The following FN1 variants were observed in gnomAD, a reference collection of about 807,000 sequenced individuals.
The protein encoded by FN1 is fibronectin.
A neutral mutation model predicts 297.3 loss-of-function variants in FN1; 106 were observed. The ratio of observed to expected loss-of-function variants is 0.36; its 90% confidence interval spans 0.30 to 0.42. The LOEUF (loss-of-function observed/expected upper bound fraction) is 0.42, where lower values mean the gene tolerates loss of function less well. FN1 is among the 10% of genes least tolerant of loss of function. The probability of loss-of-function intolerance (pLI) is 1.00; values close to 1 mark genes in which losing one functional copy is unlikely to be tolerated. For synonymous variants in FN1, 1,149 were observed against 1,152.6 expected (o/e 1.00, Z 0.06); for missense variants, 2,690 against 3,124.9 (o/e 0.86, Z 3.32).
In FN1 at chr2:215,378,179, C is replaced by T. The variant is rs1027962222; in HGVS notation, c.5706G>A (p.Leu1902=). The change falls in exon 35 of 46, where the codon CTG becomes CTA. Residue 1902 remains leucine, a synonymous_variant. Transcript: ENST00000354785. The part of the protein sequence containing the change: ...SRPAQGVVTT[L]ENVSPPRRAR... ...TGAAGACATTTTGTTACTTACTCTC[C>T]AGAGTGGTGACAACTCCCTGAGCTG... is the stretch of plus-strand genomic sequence containing the variant. 1 of 1,577,366 alleles carries T rather than the reference C, an allele frequency of 6.3e-7. No homozygotes were observed. Among genetic ancestry groups the T allele is most frequent in the African/African-American group, 1.3e-5 (1 of 74,408 alleles).
chr2:215,397,104 G>A (rs2060387243), intron 23 of FN1, 33 bp downstream of exon 23: 3 of 1,333,072 alleles, frequency 2.3e-6, no homozygotes, highest in Middle Eastern at 1.8e-4. Flanking sequence ...AAGGTATGGT[G>A]TATACTTGCC....
Position 215,368,255 on chromosome 2 carries a change from C to A in FN1, c.6854-228G>T, listed in dbSNP as rs2289200. On this transcript the variant is annotated intron_variant, in intron 41 of 45. Transcript: ENST00000354785. ...CAGGAAGCCCATCTTTTATTTTTCC[C>A]TTGCTTCTAAGATAATTGCCATTTC... 0.26 allele frequency among the ~76,000 whole-genome samples: 40,068 copies of A among 152,122 alleles called. 6,568 individuals carry two copies. Among genetic ancestry groups the A allele is most frequent in the East Asian group, 0.72 (3,702 of 5,164 alleles).
At chr2:215,392,404 G>A (rs898727794) in intron 25 of FN1, 2 of 183,740 alleles carry the variant, frequency 1.1e-5, no homozygotes, top group Non-Finnish European at 2.3e-5. Context: ...CCTAGTGACA[G>A]CAACAAAACC....
intron 10 of FN1, chr2:215,421,064 A>T (rs1312884216): frequency 4.6e-6 from 2 of 430,970 alleles, no homozygotes; most frequent in African/African-American, 2.0e-5. Flanking sequence ...GTGGTAAAAT[A>T]CACTTTCCTG....
intron 13 of FN1, among the ~76,000 whole-genome samples, chr2:215,411,476 T>C (rs867024036): frequency 1.3e-5 from 2 of 152,168 alleles, no homozygotes; most frequent in South Asian, 2.1e-4. Flanking sequence ...TTGAAACCAG[T>C]CATTGCAATT....
At chr2:215,391,390 GGAACTTT>G (rs1178692844) in intron 26 of FN1, among the ~76,000 whole-genome samples, 2 of 152,130 alleles carry the variant, frequency 1.3e-5, no homozygotes, top group Non-Finnish European at 2.9e-5. Flanking sequence ...TTGAAGTCAT[GGAACTTT>G]CCTGCAGGTG....
At chr2:215,393,225 G>T in intron 24 of FN1, 22 bp from the exon 25 acceptor site, 3 of 1,606,584 alleles carry the variant, frequency 1.9e-6, no homozygotes, top group African/African-American at 1.4e-5. Flanking sequence ...CAAAGCAAAG[G>T]GAGGGGGAGG....
intron 7 of FN1, 114 bp downstream of exon 7, chr2:215,424,980 T>C: frequency 1.1e-6 from 1 of 915,066 alleles, no homozygotes; most frequent in Non-Finnish European, 1.8e-6. Context: ...TATCACAGGG[T>C]GGTAAGATTA....
At chr2:215,362,136 A>C in intron 44 of FN1, 57 bp from the exon 45 acceptor site, 1 of 1,332,084 alleles carries the variant, frequency 7.5e-7, no homozygotes, top group Admixed American at 1.7e-5. Flanking sequence ...AGGACATCGT[A>C]ATTTAGTGTT....
At chr2:215,430,033 C>A (rs1316136342) in intron 5 of FN1, among the ~76,000 whole-genome samples, 1 of 152,094 alleles carries the variant, frequency 6.6e-6, no homozygotes, top group Non-Finnish European at 1.5e-5. Flanking sequence ...TCATGAGAGA[C>A]CTATTTTTGT....
intron 39 of FN1, 157 bp from the exon 40 acceptor site, chr2:215,372,532 A>G (rs2056434302): frequency 7.4e-6 from 5 of 671,624 alleles, no homozygotes; most frequent in Non-Finnish European, 1.3e-5. Flanking sequence ...CACTTTTTCC[A>G]GAAAGAAATC....
intron 44 of FN1, chr2:215,362,430 G>T (rs531813606): frequency 5.7e-5 from 17 of 297,512 alleles, no homozygotes; most frequent in South Asian, 5.6e-4. Flanking sequence ...GAATCCTAGC[G>T]ATTTTAAAAG....
At chr2:215,368,928 A>G (rs901483502) in intron 41 of FN1, among the ~76,000 whole-genome samples, 2 of 152,170 alleles carry the variant, frequency 1.3e-5, no homozygotes, top group East Asian at 1.9e-4. Flanking sequence ...CCCACTGTGT[A>G]TTTTTCTTTT....
At chr2:215,384,740 G>A in intron 29 of FN1, 120 bp downstream of exon 29, 1 of 745,552 alleles carries the variant, frequency 1.3e-6, no homozygotes, top group Admixed American at 2.1e-5. Context: ...GAAAAAACAA[G>A]GGCTCCGTTG....
In FN1 at chr2:215,383,896, T is replaced by G. The variant is rs1227499402; in HGVS notation, c.4894+124A>C. The stretch of plus-strand genomic sequence containing the variant: ...AACTCTGTTCGCTGCAGGTGCTAGC[T>G]GCAGGTTGTTGCTCATTAAAAAGGA... On this transcript the variant is annotated intron_variant, in intron 30 of 45. Transcript: ENST00000354785. The G allele has an allele frequency of 5.8e-6, 6 of 1,042,100 alleles. No individual in the cohort carries two copies. The African/African-American group carries it at 9.4e-5, about 16-fold the overall frequency. 64.6% of individuals were successfully genotyped at this position (1,042,100 alleles called of 1,614,324 possible). A position where few individuals can be genotyped will look rare whatever the true frequency, so the allele number is the denominator to read the frequency against.
In FN1 at chr2:215,407,242, G is replaced by GCAA; in HGVS notation, c.2597_2598insTTG (p.Thr866_Leu867insCys). 1 of 1,613,884 alleles carries GCAA rather than the reference G, an allele frequency of 6.2e-7. No individual in the cohort carries two copies. Among genetic ancestry groups the GCAA allele is most frequent in the Non-Finnish European group, 8.5e-7 (1 of 1,179,772 alleles). Reference sequence around the variant, plus strand: ...GAACACCAGGTTGCAAGTCACTGAGGGTGACGGAGTTTGCAGTTTCAGGAA... The same window carrying GCAA: ...GAACACCAGGTTGCAAGTCACTGAGGCAAGTGACGGAGTTTGCAGTTTCAGGAA... On this transcript the variant is annotated inframe_insertion, in exon 18 of 46. Transcript: ENST00000354785.
At chr2:215,421,445 A>G (rs1052742641) in intron 10 of FN1, among the ~76,000 whole-genome samples, 1 of 152,140 alleles carries the variant, frequency 6.6e-6, no homozygotes, top group Non-Finnish European at 1.5e-5. Context: ...ACCACATGTA[A>G]TTATTACTCC....
intron 9 of FN1, among the ~76,000 whole-genome samples, chr2:215,422,647 C>T (rs1293843002): frequency 6.6e-6 from 1 of 152,122 alleles, no homozygotes; most frequent in East Asian, 1.9e-4. Context: ...GTTTTTTCTT[C>T]TAAACTCAGC....
chr2:215,408,047 C>T, intron 17 of FN1, 61 bp downstream of exon 17: 1 of 1,305,114 alleles, frequency 7.7e-7, no homozygotes, highest in Non-Finnish European at 1.1e-6. Flanking sequence ...AGAATCTGCG[C>T]CCTCCCTGCT....
Sources: gnomAD v4.1 joint callset for allele counts (sites outside exome capture counted in the v4.1 genomes callset) on GRCh38, gnomAD v4.1.1 for gene constraint, MANE v1.5 for transcripts, NCBI Gene and HGNC (gene_info 2026-07-23, HGNC 2026-07-21) for gene names.